Variants in PHF3 observed in about 807,000 individuals in gnomAD.
PHF3 encodes PHD finger protein 3.
A neutral mutation model predicts 178.4 loss-of-function variants in PHF3; 41 were observed. The observed-to-expected ratio is 0.23, with a 90% CI of 0.18 to 0.30. The LOEUF (loss-of-function observed/expected upper bound fraction) is 0.30, where lower values mean the gene tolerates loss of function less well. Among genes scored for constraint, PHF3 ranks in the 10% least tolerant of loss-of-function variants. PHF3 has a pLI of 1.00. For synonymous variants in PHF3, 842 were observed against 800.5 expected, an observed-to-expected ratio of 1.05 and a Z score of -0.88; for missense variants, 2,346 against 2,398.1, an observed-to-expected ratio of 0.98 and a Z score of 0.45.
At chr6:63,706,935 A>C (rs1767719926) in intron 13 of PHF3, 59 bp downstream of exon 13, 1 of 1,453,278 alleles carries the variant, frequency 6.9e-7, no homozygotes, top group Admixed American at 1.8e-5. Flanking sequence ...TTCTGAAAGT[A>C]ATTGACAGGG....
chr6:63,712,769 C>G lies in PHF3; in HGVS notation c.5181C>G (p.Asn1727Lys). 6.2e-7 allele frequency: 1 copy of G among 1,613,880 alleles called. No individual in the cohort carries two copies. Among genetic ancestry groups the G allele is most frequent in the Non-Finnish European group, 8.5e-7 (1 of 1,179,922 alleles). Reference sequence around the variant, plus strand: ...CACAAAACTCACCATCAGTAGAAAACATACAGACTTCTCAAGCAGAACAAG... The same window carrying G: ...CACAAAACTCACCATCAGTAGAAAAGATACAGACTTCTCAAGCAGAACAAG... The part of the protein sequence containing the change: ...KVAQNSPSVE[N>K]IQTSQAEQAK... Residue 1727 changes from asparagine to lysine, a missense_variant, in exon 16 of 16, where the codon AAC (asparagine) becomes AAG (lysine). Physicochemically the swap from Asn to Lys is moderately conservative, Grantham distance 94. This residue lies in a region of PHF3 where 839 missense variants were observed against 806.9 expected (regional missense o/e 1.04). Coordinates refer to ENST00000262043, the MANE Select transcript of PHF3 (RefSeq NM_001370348.2).
chr6:63,678,191 C>T (rs1766263082), intron 2 of PHF3, among the ~76,000 whole-genome samples: 1 of 151,230 alleles, frequency 6.6e-6, no homozygotes, highest in African/African-American at 2.4e-5. Flanking sequence ...CCACTGCACT[C>T]CAGCTTGGGC....
Position 63,684,672 on chromosome 6 carries a change from A to C in PHF3, c.950A>C (p.Lys317Thr). 6.2e-7 allele frequency: 1 copy of C among 1,613,840 alleles called. No homozygotes were observed. The highest frequency in any genetic ancestry group is 8.5e-7 in the Non-Finnish European group (1 of 1,179,884). Residue 317 changes from lysine (K) to threonine (T), a missense_variant, in exon 4 of 16, where the codon AAA (lysine) becomes ACA (threonine). This residue lies in a region of PHF3 where 843 missense variants were observed against 795.2 expected (regional missense o/e 1.06). Coordinates refer to ENST00000262043, the MANE Select transcript of PHF3 (RefSeq NM_001370348.2). The stretch of plus-strand genomic sequence containing the variant: ...GTTGAAGAAATGATAGCAACAAGAA[A>C]AGTTGAACAAGATTCAAAGGAGACA... ...TVVEEMIATR[K>T]VEQDSKETVK...
intron 10 of PHF3, among the ~76,000 whole-genome samples, chr6:63,703,232 A>G (rs1767550760): frequency 6.6e-6 from 1 of 152,200 alleles, no homozygotes; most frequent in East Asian, 1.9e-4. Flanking sequence ...TCTTAGGCAG[A>G]GTGTCATTTG....
chr6:63,700,090 C>G (rs1767408757), intron 8 of PHF3, among the ~76,000 whole-genome samples: 1 of 152,130 alleles, frequency 6.6e-6, no homozygotes, highest in African/African-American at 2.4e-5. Context: ...AGACTTAATA[C>G]AACTTTTGGG....
In PHF3 at chr6:63,700,410, C is replaced by G; in HGVS notation, c.3043C>G (p.Pro1015Ala). ...VTPDHLIRMSPEELASKELAA... is the reference protein window; with the variant it reads ...VTPDHLIRMSAEELASKELAA... The stretch of plus-strand genomic sequence containing the variant: ...TCCTGATCATCTTATCAGAATGAGT[C>G]CAGAAGAACTAGCTTCTAAAGAGTT... The change falls in exon 9 of 16, where the codon CCA becomes GCA. Residue 1015 changes from proline (P) to alanine (A), a missense_variant. Around this residue, in one of 8 missense-constraint regions of PHF3, gnomAD observed 45 missense variants for 87.9 expected, o/e 0.51. Transcript: ENST00000262043. 6.2e-7 allele frequency: 1 copy of G among 1,604,854 alleles called. No homozygotes were observed. The highest frequency in any genetic ancestry group is 1.1e-5 in the South Asian group (1 of 90,342).
chr6:63,639,571 A>G (rs186570431), intron 1 of PHF3, among the ~76,000 whole-genome samples: 18 of 152,334 alleles, frequency 1.2e-4, no homozygotes, highest in Admixed American at 7.2e-4. Context: ...ATTAATGTGT[A>G]GAGTGCATTA....
rs937416596 is a variant in PHF3, at chr6:63,685,845, T to C, written c.2123T>C (p.Phe708Ser). The C allele has an allele frequency of 1.1e-5, 17 of 1,613,500 alleles. No individual in the cohort carries two copies. Among genetic ancestry groups the C allele is most frequent in the Middle Eastern group, 1.6e-4 (1 of 6,084 alleles). ...GAAGGCTCTGATCATAGCTCCTCAT[T>C]TGAAAGCAAATATATGTGGACTCCC... is the stretch of plus-strand genomic sequence containing the variant. ...RREGSDHSSSFESKYMWTPSK... is the reference protein window; with the variant it reads ...RREGSDHSSSSESKYMWTPSK... The change falls in exon 4 of 16, where the codon TTT becomes TCT. Residue 708 changes from phenylalanine (F) to serine (S), a missense_variant. Transcript: ENST00000262043.
intron 4 of PHF3, 150 bp downstream of exon 4, chr6:63,686,061 G>A: frequency 1.7e-6 from 1 of 579,308 alleles, no homozygotes; most frequent in African/African-American, 1.9e-5. Flanking sequence ...TTGGATAAAT[G>A]ATAGAAAGAT....
chr6:63,717,318 A>G lies in PHF3; in HGVS notation c.*3610A>G, dbSNP rs944730692. Among the ~76,000 whole-genome samples, 1 of 152,088 alleles carries G rather than the reference A, an allele frequency of 6.6e-6. No individual in the cohort carries two copies. Among genetic ancestry groups the G allele is most frequent in the Non-Finnish European group, 1.5e-5 (1 of 67,966 alleles). ...ATAATGAACCAGATCTTAGTAAAAC[A>G]GTATTTTAACATTTGGATATACTAG... On this transcript the variant is annotated 3_prime_UTR_variant, in exon 16 of 16. Coordinates refer to ENST00000262043, the MANE Select transcript of PHF3 (RefSeq NM_001370348.2).
chr6:63,707,265 G>A (rs1767734439), intron 13 of PHF3, among the ~76,000 whole-genome samples: 1 of 152,114 alleles, frequency 6.6e-6, no homozygotes, highest in Admixed American at 6.5e-5. Context: ...TTTCCCCACT[G>A]CTTATGTTTC....
intron 13 of PHF3, among the ~76,000 whole-genome samples, chr6:63,707,557 A>G (rs1767745698): frequency 6.6e-6 from 1 of 152,250 alleles, no homozygotes; most frequent in Non-Finnish European, 1.5e-5. Flanking sequence ...TGTGTATAGA[A>G]GGAAAATAAA....
chr6:63,713,083 C>A lies in PHF3; in HGVS notation c.5495C>A (p.Pro1832Gln), dbSNP rs1166082714. The A allele has an allele frequency of 6.2e-7, 1 of 1,613,984 alleles. No individual in the cohort carries two copies. Among genetic ancestry groups the A allele is most frequent in the Admixed American group, 1.7e-5 (1 of 60,008 alleles). ...CCCCCACAAAGCATGTTTGGATTTCCACCACATTTGCCACCTCCATTACTT... is the reference window on the plus strand; with the variant it reads ...CCCCCACAAAGCATGTTTGGATTTCAACCACATTTGCCACCTCCATTACTT... ...NFPPQSMFGF[P>Q]PHLPPPLLPP... Residue 1832 changes from proline (P) to glutamine (Q), a missense_variant, in exon 16 of 16, where the codon CCA becomes CAA. By Grantham distance (76) the Pro-to-Gln change is moderately conservative (BLOSUM62 -1). Coordinates refer to ENST00000262043, the MANE Select transcript of PHF3 (RefSeq NM_001370348.2).
At chr6:63,679,736 G>A in intron 2 of PHF3, 1 of 466,924 alleles carries the variant, frequency 2.1e-6, no homozygotes, top group East Asian at 5.3e-5. Flanking sequence ...AAATGGAAGT[G>A]ATATTTGAGG....
rs1344128544 is a variant in PHF3 at position 63,717,785 on chromosome 6, C to T, written c.*4077C>T. Among the ~76,000 whole-genome samples the T allele has an allele frequency of 2.0e-5, 3 of 151,968 alleles. No individual in the cohort carries two copies. The highest frequency in any genetic ancestry group is 4.4e-5 in the Non-Finnish European group (3 of 67,938). The stretch of plus-strand genomic sequence containing the variant: ...ATACATATATGTTAGCCCAAGCTGT[C>T]TTTTAAAACTCCTTATTTTAAGATA... On this transcript the variant is annotated 3_prime_UTR_variant, in exon 16 of 16. Transcript: ENST00000262043.
At chr6:63,640,088 A>G (rs962476158) in intron 1 of PHF3, among the ~76,000 whole-genome samples, 1 of 152,190 alleles carries the variant, frequency 6.6e-6, no homozygotes, top group Non-Finnish European at 1.5e-5. Flanking sequence ...AGATACATTT[A>G]GAAAAGTTAT....
chr6:63,661,969 A>G (rs941409119), intron 2 of PHF3, among the ~76,000 whole-genome samples: 9 of 152,176 alleles, frequency 5.9e-5, no homozygotes, highest in African/African-American at 1.9e-4. Flanking sequence ...CTGCACAGCA[A>G]CAGGTGAGCT....
At chr6:63,653,330 A>C (rs1349727876) in intron 2 of PHF3, among the ~76,000 whole-genome samples, 1 of 151,368 alleles carries the variant, frequency 6.6e-6, no homozygotes, top group Admixed American at 6.6e-5. Flanking sequence ...CGAACGTTGG[A>C]TGTCTTTCCA....
intron 4 of PHF3, among the ~76,000 whole-genome samples, chr6:63,689,001 AT>A: frequency 6.6e-6 from 1 of 152,328 alleles, no homozygotes; most frequent in African/African-American, 2.4e-5. Flanking sequence ...ATATTTTGTA[AT>A]ATAGCTGTGT....
Sources: allele counts gnomAD v4.1 joint callset (sites outside exome capture counted in the v4.1 genomes callset), GRCh38; gene constraint gnomAD v4.1.1; regional missense constraint gnomAD v4.1.1; transcripts MANE v1.5; gene names NCBI Gene and HGNC (gene_info 2026-07-23, HGNC 2026-07-21).